The following WDFY4 variants were observed in gnomAD, a reference collection of about 807,000 sequenced individuals.
WDFY4 encodes WD repeat- and FYVE domain-containing protein 4.
In WDFY4, 169 loss-of-function variants were observed where a neutral mutation model predicts 351.9. That is an observed-to-expected ratio of 0.48 (90% CI 0.42 to 0.55). WDFY4 has a LOEUF of 0.55. WDFY4 is among the 20% of genes least tolerant of loss of function. The pLI is 0.00. For synonymous variants in WDFY4, 1,622 were observed against 1,574.6 expected (o/e 1.03, Z -0.71); for missense variants, 3,803 against 3,935.6 (o/e 0.97, Z 0.90).
At chr10:48,869,783 C>A (rs2069692296) in intron 40 of WDFY4, among the ~76,000 whole-genome samples, 1 of 152,136 alleles carries the variant, frequency 6.6e-6, no homozygotes, top group Non-Finnish European at 1.5e-5. Context: ...TTGTGAGATG[C>A]CTGACAACTC....
At chr10:48,948,287 C>T (rs1841154194) in intron 51 of WDFY4, among the ~76,000 whole-genome samples, 1 of 152,192 alleles carries the variant, frequency 6.6e-6, no homozygotes, top group Admixed American at 6.5e-5. Flanking sequence ...AGGCAAAAAG[C>T]ATTTTAAGTA....
At chr10:48,767,080 A>G (rs994056629) in intron 13 of WDFY4, among the ~76,000 whole-genome samples, 2 of 152,244 alleles carry the variant, frequency 1.3e-5, no homozygotes, top group African/African-American at 4.8e-5. Context: ...CCAGCTTTTT[A>G]TAATCAGTGC....
intron 50 of WDFY4, 86 bp downstream of exon 50, chr10:48,946,243 C>G: frequency 9.5e-7 from 1 of 1,054,060 alleles, no homozygotes; most frequent in South Asian, 1.5e-5. Context: ...AGGTGGTCAC[C>G]TAGCCTACAA....
chr10:48,942,220 C>CA, intron 48 of WDFY4, among the ~76,000 whole-genome samples: 1 of 152,200 alleles, frequency 6.6e-6, no homozygotes, highest in East Asian at 1.9e-4. Context: ...CCACCTCAGC[C>CA]ACCCAAAGGG....
intron 39 of WDFY4, among the ~76,000 whole-genome samples, chr10:48,851,256 A>AT (rs1302191414): frequency 6.6e-6 from 1 of 152,194 alleles, no homozygotes; most frequent in East Asian, 1.9e-4. Flanking sequence ...TGAGAGCTTG[A>AT]TTTGTGCTGA....
intron 39 of WDFY4, among the ~76,000 whole-genome samples, chr10:48,844,666 C>T (rs1256477378): frequency 6.6e-6 from 1 of 152,120 alleles, no homozygotes. Flanking sequence ...GCTTGTGTAT[C>T]CACTATCACA....
At chr10:48,739,025 A>C (rs1467016190) in intron 11 of WDFY4, among the ~76,000 whole-genome samples, 1 of 152,256 alleles carries the variant, frequency 6.6e-6, no homozygotes, top group African/African-American at 2.4e-5. Context: ...TTAAAGAATA[A>C]TGTAAGCAAA....
At chr10:48,842,574 G>C (rs551895783) in intron 39 of WDFY4, among the ~76,000 whole-genome samples, 2 of 152,178 alleles carry the variant, frequency 1.3e-5, no homozygotes, top group African/African-American at 2.4e-5. Flanking sequence ...CAGAGACCCC[G>C]AACTAACAAA....
At chr10:48,813,008 G>C (rs1728431961) in intron 30 of WDFY4, among the ~76,000 whole-genome samples, 1 of 152,040 alleles carries the variant, frequency 6.6e-6, no homozygotes, top group Non-Finnish European at 1.5e-5. Context: ...TTCCTCCTTT[G>C]TGCCTCAGTG....
At chr10:48,921,256 G>A (rs978124700) in intron 47 of WDFY4, among the ~76,000 whole-genome samples, 25 of 152,222 alleles carry the variant, frequency 1.6e-4, no homozygotes, top group Non-Finnish European at 2.9e-4. Context: ...TATTGGTGAT[G>A]GGACAGGTAG....
rs2068159923 is a variant in WDFY4, at chr10:48,830,691, C to A, written c.6341-9C>A. The A allele has an allele frequency of 6.5e-7, 1 of 1,550,044 alleles. No homozygotes were observed. The highest frequency in any genetic ancestry group is 8.7e-7 in the Non-Finnish European group (1 of 1,146,242). ...CCATCCTGAGTGTGCCATGTGCTCT[C>A]TCTGCTAGTCCAACACAACATCCAG... is the stretch of plus-strand genomic sequence containing the variant. On this transcript the variant is annotated splice_polypyrimidine_tract_variant and intron_variant, in intron 37 of 61. Transcript: ENST00000325239.
intron 14 of WDFY4, 97 bp from the exon 15 acceptor site, chr10:48,775,615 G>T: frequency 8.5e-7 from 1 of 1,170,166 alleles, no homozygotes. Flanking sequence ...GGGAGGTCAG[G>T]GAGCTCCAGG....
intron 12 of WDFY4, among the ~76,000 whole-genome samples, chr10:48,747,534 ATC>A (rs2065051039): frequency 6.6e-6 from 1 of 150,970 alleles, no homozygotes; most frequent in Admixed American, 6.6e-5. Context: ...TACATTTTTC[ATC>A]TCTTTGTCTC....
chr10:48,723,358 G>T, intron 4 of WDFY4, 75 bp from the exon 5 acceptor site: 2 of 1,507,284 alleles, frequency 1.3e-6, no homozygotes, highest in South Asian at 1.3e-5. Flanking sequence ...TGGCTGCAGG[G>T]GCCTGATCCT....
intron 39 of WDFY4, among the ~76,000 whole-genome samples, chr10:48,841,580 A>G (rs1373026723): frequency 1.3e-5 from 2 of 152,230 alleles, no homozygotes; most frequent in African/African-American, 4.8e-5. Context: ...TGCAGGAAAG[A>G]GAAACTGCAC....
chr10:48,703,945 G>C (rs1272768418), intron 1 of WDFY4, among the ~76,000 whole-genome samples: 2 of 152,084 alleles, frequency 1.3e-5, no homozygotes, highest in African/African-American at 4.8e-5. Context: ...GGCATGCATG[G>C]CCACTCCCAG....
At chr10:48,793,158 A>G (rs1443086284) in intron 23 of WDFY4, among the ~76,000 whole-genome samples, 1 of 152,214 alleles carries the variant, frequency 6.6e-6, no homozygotes, top group Admixed American at 6.5e-5. Flanking sequence ...GCACTGTGCT[A>G]GGCACTAGGG....
intron 39 of WDFY4, among the ~76,000 whole-genome samples, chr10:48,856,182 T>G (rs1005731736): frequency 2.0e-5 from 3 of 152,156 alleles, no homozygotes; most frequent in African/African-American, 7.2e-5. Context: ...TGTAGTATGT[T>G]TTGAAATAGA....
At chr10:48,691,014 G>T (rs1046258935) in intron 1 of WDFY4, among the ~76,000 whole-genome samples, 1 of 152,132 alleles carries the variant, frequency 6.6e-6, no homozygotes, top group Non-Finnish European at 1.5e-5. Context: ...GCCTTCCATG[G>T]TGCCCTGGCT....
Sources: allele counts gnomAD v4.1 joint callset (sites outside exome capture counted in the v4.1 genomes callset), GRCh38; gene constraint gnomAD v4.1.1; transcripts MANE v1.5; gene names NCBI Gene and HGNC (gene_info 2026-07-23, HGNC 2026-07-21).